Variants in WNK3 observed in about 807,000 individuals in gnomAD.
The protein encoded by WNK3 is serine/threonine-protein kinase WNK3.
In WNK3, 18 loss-of-function variants were observed where a neutral mutation model predicts 116.7. The ratio of observed to expected loss-of-function variants is 0.15; its 90% CI spans 0.11 to 0.23. The LOEUF (loss-of-function observed/expected upper bound fraction) is 0.23. WNK3 is among the 10% of genes least tolerant of loss of function. WNK3 has a pLI of 1.00. For missense variants in WNK3, 993 were observed against 1,323.8 expected, an observed-to-expected ratio of 0.75 and a Z score of 3.88; for synonymous variants, 404 against 469.4, an observed-to-expected ratio of 0.86 and a Z score of 1.80.
chrX:54,206,360 T>C (rs1049541988), intron 22 of WNK3, among the ~76,000 whole-genome samples: 1 of 111,436 alleles, frequency 9.0e-6, no homozygotes, highest in Non-Finnish European at 1.9e-5. Context: ...ACTGCATTCC[T>C]ACCTGGGTGA....
chrX:54,347,202 G>A (rs1331142063), intron 1 of WNK3, among the ~76,000 whole-genome samples: 1 of 112,215 alleles, frequency 8.9e-6, no homozygotes, highest in Non-Finnish European at 1.9e-5. Flanking sequence ...AAAGACAACC[G>A]TGGCTGGGCA....
chrX:54,241,582 T>C (rs1557151552), intron 17 of WNK3, among the ~76,000 whole-genome samples: 1 of 111,795 alleles, frequency 8.9e-6, no homozygotes, highest in East Asian at 2.8e-4. Context: ...AATAGCTGAA[T>C]AGGAGATGCA....
chrX:54,225,634 AAAAG>A (rs1170034232), intron 22 of WNK3, among the ~76,000 whole-genome samples: 12 of 109,431 alleles, frequency 1.1e-4, no homozygotes, highest in African/African-American at 3.3e-4. Context: ...AAAAAAAAAA[AAAAG>A]AAAGAAAGAA....
At chrX:54,340,383 G>A (rs1557176161) in intron 1 of WNK3, among the ~76,000 whole-genome samples, 1 of 110,579 alleles carries the variant, frequency 9.0e-6, no homozygotes, top group East Asian at 2.9e-4. Context: ...GCTGAGGCGG[G>A]TGGATCATTT....
At chrX:54,201,414 T>C (rs782658608) in intron 23 of WNK3, among the ~76,000 whole-genome samples, 3 of 112,148 alleles carry the variant, frequency 2.7e-5, no homozygotes, top group Non-Finnish European at 5.6e-5. Context: ...AAACACCTCT[T>C]ATAATATTCC....
At chrX:54,344,559 C>A in intron 1 of WNK3, among the ~76,000 whole-genome samples, 1 of 113,243 alleles carries the variant, frequency 8.8e-6, no homozygotes, top group East Asian at 2.8e-4. Context: ...AATCAATGAT[C>A]ACAAACATAT....
At chrX:54,339,241 A>G (rs533167047) in intron 1 of WNK3, among the ~76,000 whole-genome samples, 2 of 111,286 alleles carry the variant, frequency 1.8e-5, no homozygotes, top group East Asian at 2.8e-4. Flanking sequence ...TAATAGCAAA[A>G]GATTTCAATA....
intron 22 of WNK3, among the ~76,000 whole-genome samples, chrX:54,206,388 TA>T (rs1557142704): frequency 9.0e-6 from 1 of 111,287 alleles, no homozygotes; most frequent in East Asian, 2.8e-4. Flanking sequence ...ACCCTGTCTC[TA>T]AAAAAATTAA....
chrX:54,213,663 A>T (rs1557144359), intron 22 of WNK3, among the ~76,000 whole-genome samples: 1 of 109,970 alleles, frequency 9.1e-6, no homozygotes, highest in Non-Finnish European at 1.9e-5. Context: ...CATAAAATTT[A>T]AAATGGGAAA....
chrX:54,298,403 C>G lies in WNK3; in HGVS notation c.1179-9G>C. 8.7e-7 allele frequency: 1 copy of G among 1,143,702 alleles called. No individual in the cohort carries two copies. The highest frequency in any genetic ancestry group is 1.2e-6 in the Non-Finnish European group (1 of 835,015). The allele number at this position is 1,143,702 out of a possible 1,213,427, so 94.3% of individuals were successfully genotyped here. ...GGTCCCTGATAGACAACCTAATAAA[C>G]AAAACATATATCTCATTATCAGTTC... is the stretch of plus-strand genomic sequence containing the variant. On this transcript the variant is annotated splice_polypyrimidine_tract_variant and intron_variant, in intron 6 of 23. Coordinates refer to ENST00000354646, the Ensembl canonical transcript of WNK3.
intron 6 of WNK3, among the ~76,000 whole-genome samples, chrX:54,301,274 A>G (rs1038785021): frequency 4.6e-5 from 5 of 109,455 alleles, no homozygotes; most frequent in Admixed American, 1.0e-4. Flanking sequence ...TAAAAATAAA[A>G]TAAGAAATAA....
At chrX:54,215,262 C>A (rs1049880263) in intron 22 of WNK3, among the ~76,000 whole-genome samples, 1 of 111,359 alleles carries the variant, frequency 9.0e-6, no homozygotes. Flanking sequence ...ACTGTACTGC[C>A]GCCATCTTGG....
chrX:54,268,316 T>C (rs1010933534), intron 10 of WNK3, among the ~76,000 whole-genome samples: 5 of 110,762 alleles, frequency 4.5e-5, no homozygotes, highest in African/African-American at 1.6e-4. Flanking sequence ...ACCTCGCCTC[T>C]ACAAAAAATA....
chrX:54,344,157 A>G (rs2069371257), intron 1 of WNK3, among the ~76,000 whole-genome samples: 2 of 112,559 alleles, frequency 1.8e-5, no homozygotes, highest in South Asian at 7.2e-4. Flanking sequence ...TTAAAAGCAA[A>G]TTCTGGCTGG....
intron 22 of WNK3, among the ~76,000 whole-genome samples, chrX:54,213,562 A>AAC (rs2067645430): frequency 2.0e-5 from 2 of 97,992 alleles, no homozygotes; most frequent in South Asian, 4.1e-4. Context: ...TCAAAAAAAA[A>AAC]AACAAACAAA....
At chrX:54,229,326 A>G (rs1428472864) in intron 21 of WNK3, among the ~76,000 whole-genome samples, 1 of 109,803 alleles carries the variant, frequency 9.1e-6, no homozygotes, top group African/African-American at 3.3e-5. Context: ...ACAAACCTGC[A>G]TATGTACCCC....
intron 22 of WNK3, among the ~76,000 whole-genome samples, chrX:54,226,469 C>CAAA (rs782422874): frequency 9.0e-4 from 17 of 18,968 alleles, no homozygotes; most frequent in East Asian, 1.6e-3. Flanking sequence ...GACTCTGTCT[C>CAAA]AAAAAAAAAA....
intron 10 of WNK3, among the ~76,000 whole-genome samples, chrX:54,283,440 G>A (rs1381983519): frequency 5.4e-5 from 6 of 111,094 alleles, no homozygotes; most frequent in African/African-American, 2.0e-4. Flanking sequence ...ACCACAATGA[G>A]ATACCACATC....
chrX:54,193,763 G>T (rs2067420212), exon 24 of WNK3: 1 of 111,265 alleles, frequency 9.0e-6, no homozygotes, highest in African/African-American at 3.3e-5. Flanking sequence ...ATTTTATCAA[G>T]TTTGAGTGTT....
Sources: allele counts gnomAD v4.1 joint callset (sites outside exome capture counted in the v4.1 genomes callset), GRCh38; gene constraint gnomAD v4.1.1; transcripts MANE v1.5; gene names NCBI Gene and HGNC (gene_info 2026-07-23, HGNC 2026-07-21).